Variants in PTPRG observed in about 807,000 individuals in gnomAD.
PTPRG encodes receptor-type tyrosine-protein phosphatase gamma.
PTPRG carries 102 observed loss-of-function variants against 165.3 expected under a neutral mutation model. That is an observed-to-expected ratio of 0.62 (90% CI 0.53 to 0.73). PTPRG has a LOEUF of 0.73. Ranked by LOEUF, PTPRG falls within the 30% of genes least tolerant of loss-of-function variation. The probability of loss-of-function intolerance (pLI) is 0.00; values close to 1 mark genes in which losing one functional copy is unlikely to be tolerated. For synonymous variants in PTPRG, 675 were observed against 669.5 expected (o/e 1.01, Z -0.13); for missense variants, 1,866 against 1,861.4 (o/e 1.00, Z -0.05).
At chr3:61,841,671 C>T (rs993526542) in intron 2 of PTPRG, among the ~76,000 whole-genome samples, 1 of 151,926 alleles carries the variant, frequency 6.6e-6, no homozygotes, top group African/African-American at 2.4e-5. Context: ...CTTCTGTCCA[C>T]TGGCAATTTA....
rs1701288261 is a variant in PTPRG at position 62,246,280 on chromosome 3, G to T, written c.2467+2382G>T. The stretch of plus-strand genomic sequence containing the variant: ...TGTGATGTTAAAGGGCTTACCTAGT[G>T]AAATGACGAGTGAGGCTCATCTGTT... On this transcript the variant is annotated intron_variant, in intron 15 of 29. Coordinates refer to ENST00000474889, the MANE Select transcript of PTPRG (RefSeq NM_002841.4). Among the ~76,000 whole-genome samples the T allele has an allele frequency of 2.6e-5, 4 of 152,180 alleles. No individual in the cohort carries two copies. In the South Asian group the frequency reaches 8.3e-4, roughly 32 times the overall value.
rs1701070216 is a variant in PTPRG, at chr3:62,237,990, C to CT, written c.2376-5815dup. Among the ~76,000 whole-genome samples, 1 of 152,220 alleles carries CT rather than the reference C, an allele frequency of 6.6e-6. No individual in the cohort carries two copies. The highest frequency in any genetic ancestry group is 2.4e-5 in the African/African-American group (1 of 41,464). ...TAGGAAGCTTGCTTCCACTCTGCTA[C>CT]TTGGAACTTTCTATAGAAATGTGCA... On this transcript the variant is annotated intron_variant, in intron 14 of 29. Transcript: ENST00000474889. This position sits in a 1 kb window ranked among gnomAD's most constrained non-coding sequence, Gnocchi z 4.5.
At position 61,833,098 on chromosome 3, in the gene PTPRG, C is replaced by A. The variant is rs376959141; in HGVS notation, c.190+84116C>A. Among the ~76,000 whole-genome samples, 7 of 97,060 alleles carry A rather than the reference C, an allele frequency of 7.2e-5. No individual in the cohort carries two copies. In the East Asian group the frequency reaches 1.9e-3, roughly 26 times the overall value. The allele number at this position is 97,060 out of a possible 152,430, so 63.7% of individuals were successfully genotyped here. On this transcript the variant is annotated intron_variant, in intron 2 of 29. Coordinates refer to ENST00000474889, the MANE Select transcript of PTPRG (RefSeq NM_002841.4). ...GTGTGTGTGTGTGTGTGTGTGTGTACACAGTTTCTTTATCCACGTGTTGAT... is the reference window on the plus strand; with the variant it reads ...GTGTGTGTGTGTGTGTGTGTGTGTAAACAGTTTCTTTATCCACGTGTTGAT...
At chr3:62,258,960 A>G (rs1701614815) in intron 16 of PTPRG, among the ~76,000 whole-genome samples, 1 of 152,226 alleles carries the variant, frequency 6.6e-6, no homozygotes, top group Non-Finnish European at 1.5e-5. Context: ...CCAAAGCTCC[A>G]TGAGTCAGAA....
intron 4 of PTPRG, among the ~76,000 whole-genome samples, chr3:62,006,343 T>C (rs919859103): frequency 3.9e-5 from 6 of 152,212 alleles, no homozygotes; most frequent in Admixed American, 6.5e-5. Flanking sequence ...GTTGCTTGCC[T>C]TTGCCCAAAG....
intron 1 of PTPRG, among the ~76,000 whole-genome samples, chr3:61,661,073 T>A (rs6792090): frequency 0.55 from 81,144 of 148,066 alleles, 22,504 homozygotes; most frequent in Non-Finnish European, 0.61. Context: ...TAATTAAAAA[T>A]TTTTTTTTTT....
intron 5 of PTPRG, among the ~76,000 whole-genome samples, chr3:62,088,627 A>G (rs920001495): frequency 6.6e-6 from 1 of 152,260 alleles, no homozygotes; most frequent in Non-Finnish European, 1.5e-5. Flanking sequence ...TTTTTGAAAC[A>G]AGCACCAATT....
chr3:61,569,874 T>C (rs138453896), intron 1 of PTPRG, among the ~76,000 whole-genome samples: 58 of 152,334 alleles, frequency 3.8e-4, no homozygotes, highest in African/African-American at 1.1e-3. Context: ...GTCTGAGATA[T>C]CACCTTGCCC....
At chr3:62,176,416 C>T (rs139700913) in intron 8 of PTPRG, among the ~76,000 whole-genome samples, 3 of 152,294 alleles carry the variant, frequency 2.0e-5, no homozygotes, top group Non-Finnish European at 2.9e-5. Context: ...TATGTCCAAA[C>T]GCAATATTTC....
At chr3:61,629,946 G>GT (rs1377782624) in intron 1 of PTPRG, among the ~76,000 whole-genome samples, 3 of 152,202 alleles carry the variant, frequency 2.0e-5, no homozygotes, top group Non-Finnish European at 2.9e-5. Context: ...ATATTAAAAT[G>GT]TTTGTTCAAC....
intron 12 of PTPRG, among the ~76,000 whole-genome samples, 198 bp downstream of exon 12, chr3:62,204,148 T>G (rs933511115): frequency 1.3e-5 from 2 of 152,222 alleles, no homozygotes; most frequent in Non-Finnish European, 2.9e-5. Context: ...CCTACTCTCT[T>G]ACGCTGGAGT....
intron 1 of PTPRG, among the ~76,000 whole-genome samples, chr3:61,656,044 C>G (rs1198637303): frequency 2.0e-5 from 3 of 150,738 alleles, no homozygotes; most frequent in South Asian, 2.1e-4. Flanking sequence ...GCAAGACCCC[C>G]CCCCCCCCGA....
intron 1 of PTPRG, among the ~76,000 whole-genome samples, chr3:61,564,536 C>T (rs1157556865): frequency 1.3e-5 from 2 of 152,050 alleles, no homozygotes; most frequent in African/African-American, 4.8e-5. Context: ...GGTCCGGGAG[C>T]CGAGGGGTGT....
intron 28 of PTPRG, among the ~76,000 whole-genome samples, chr3:62,284,578 C>A (rs909251187): frequency 3.9e-5 from 6 of 152,074 alleles, no homozygotes; most frequent in Non-Finnish European, 8.8e-5. Context: ...GTTGCTAGCT[C>A]TAGTGAGATA....
intron 2 of PTPRG, among the ~76,000 whole-genome samples, chr3:61,931,686 G>A (rs2107584402): frequency 6.6e-6 from 1 of 152,254 alleles, no homozygotes; most frequent in East Asian, 1.9e-4. Flanking sequence ...AGTCTATGTT[G>A]TTTACTTTCT....
At chr3:61,848,247 C>A (rs1197011962) in intron 2 of PTPRG, among the ~76,000 whole-genome samples, 1 of 152,206 alleles carries the variant, frequency 6.6e-6, no homozygotes, top group Non-Finnish European at 1.5e-5. Flanking sequence ...TGCACTCTCT[C>A]TCGCCATGCC....
At chr3:62,007,031 T>C (rs896091209) in intron 4 of PTPRG, among the ~76,000 whole-genome samples, 1 of 152,250 alleles carries the variant, frequency 6.6e-6, no homozygotes, top group African/African-American at 2.4e-5. Context: ...CCTTGCCTTA[T>C]GTGTAACAGC....
chr3:61,693,538 G>A (rs1240604943), intron 1 of PTPRG, among the ~76,000 whole-genome samples: 2 of 152,148 alleles, frequency 1.3e-5, no homozygotes. Context: ...GAGTACCCAG[G>A]GAGGGTTAAG....
chr3:62,200,427 C>T (rs559716901), intron 10 of PTPRG, among the ~76,000 whole-genome samples: 30 of 152,052 alleles, frequency 2.0e-4, no homozygotes, highest in African/African-American at 6.0e-4. Context: ...TTCACCACCA[C>T]ACCCAGCTAA....
Sources: gnomAD v4.1 joint callset for allele counts (sites outside exome capture counted in the v4.1 genomes callset) on GRCh38, gnomAD v4.1.1 for gene constraint, Gnocchi (gnomAD v3.1) non-coding constraint, MANE v1.5 for transcripts, NCBI Gene and HGNC (gene_info 2026-07-23, HGNC 2026-07-21) for gene names.